Variants in CD9 observed in about 807,000 individuals in gnomAD.
CD9 encodes CD9 antigen.
In CD9, 10 loss-of-function variants were observed where a neutral mutation model predicts 31.4. The observed-to-expected ratio is 0.32, with a 90% CI of 0.20 to 0.54. The LOEUF is 0.54. CD9 is among the 20% of genes least tolerant of loss of function. The probability of loss-of-function intolerance (pLI) is 0.94; values close to 1 mark genes in which losing one functional copy is unlikely to be tolerated. For missense variants in CD9, 259 were observed against 300.1 expected, an observed-to-expected ratio of 0.86 and a Z score of 1.01; for synonymous variants, 113 against 114.1, an observed-to-expected ratio of 0.99 and a Z score of 0.06.
At chr12:6,218,361 A>T (rs1479706142) in intron 1 of CD9, among the ~76,000 whole-genome samples, 1 of 152,244 alleles carries the variant, frequency 6.6e-6, no homozygotes, top group Non-Finnish European at 1.5e-5. Flanking sequence ...TTTGTCCCAT[A>T]GGCAAACTTG....
chr12:6,204,332 A>G (rs1261876449), intron 1 of CD9, among the ~76,000 whole-genome samples: 2 of 152,212 alleles, frequency 1.3e-5, no homozygotes, highest in African/African-American at 2.4e-5. Flanking sequence ...TTAAAAGCCC[A>G]GACTTCACCA....
Position 6,232,582 on chromosome 12 carries a change from C to T in CD9, c.176-50C>T. On this transcript the variant is annotated intron_variant, in intron 2 of 7. Transcript: ENST00000009180. The surrounding 1 kb of genome is among the most constrained non-coding windows in gnomAD (Gnocchi z 4.8). Reference sequence around the variant, plus strand: ...ACAGGAATTGCCGGAGATGCCTGGGCCTCTGAACTGATGTCTCCACGCGTG... The same window carrying T: ...ACAGGAATTGCCGGAGATGCCTGGGTCTCTGAACTGATGTCTCCACGCGTG... 1 of 1,149,204 alleles carries T rather than the reference C, an allele frequency of 8.7e-7. No homozygotes were observed. 71.2% of individuals were successfully genotyped at this position (1,149,204 alleles called of 1,614,324 possible).
intron 1 of CD9, among the ~76,000 whole-genome samples, chr12:6,218,915 A>T (rs1207676117): frequency 6.6e-6 from 1 of 152,188 alleles, no homozygotes; most frequent in East Asian, 1.9e-4. Context: ...TTCGTCAAAC[A>T]TAAGAGTGTT....
intron 1 of CD9, among the ~76,000 whole-genome samples, chr12:6,202,462 C>A (rs1946087963): frequency 6.6e-6 from 1 of 152,254 alleles, no homozygotes; most frequent in Non-Finnish European, 1.5e-5. Flanking sequence ...ACAGTCTCTC[C>A]CGGCTGGTGT....
At chr12:6,214,360 T>C (rs1946221606) in intron 1 of CD9, among the ~76,000 whole-genome samples, 1 of 138,974 alleles carries the variant, frequency 7.2e-6, no homozygotes, top group Admixed American at 7.3e-5. Context: ...TTTTTTTTTT[T>C]TTTTTTTTGA....
In CD9 at chr12:6,238,084, G is replaced by C; in HGVS notation, c.*256G>C. ...TTTTTTCAGTTGTTTGTTTTTGCTT[G>C]TTATATTAAGCAGAAATCCTGCAAT... is the stretch of plus-strand genomic sequence containing the variant. On this transcript the variant is annotated 3_prime_UTR_variant, in exon 8 of 8. Transcript: ENST00000009180. 1 of 368,298 alleles carries C rather than the reference G, an allele frequency of 2.7e-6. No homozygotes were observed. Among genetic ancestry groups the C allele is most frequent in the South Asian group, 2.9e-5 (1 of 33,968 alleles). 22.8% of individuals were successfully genotyped at this position (368,298 alleles called of 1,614,324 possible).
intron 1 of CD9, among the ~76,000 whole-genome samples, chr12:6,210,984 G>A (rs867543323): frequency 1.3e-5 from 2 of 151,852 alleles, no homozygotes; most frequent in Non-Finnish European, 2.9e-5. Flanking sequence ...TTACAGGCAC[G>A]CACCACCATG....
intron 1 of CD9, among the ~76,000 whole-genome samples, chr12:6,205,766 G>T (rs1030261670): frequency 9.9e-5 from 15 of 152,204 alleles, no homozygotes; most frequent in Non-Finnish European, 1.9e-4. Flanking sequence ...AACCTTGATG[G>T]TTCTTGCCTG....
chr12:6,237,908 G>GT lies in CD9; in HGVS notation c.*82dup, dbSNP rs1946541798. Reference sequence around the variant, plus strand: ...TTTGTTTGTTTGTTTTGTTTTGTTTGTTGTTTGTTGTTTGTTTTTTTGCCA... The same window carrying GT: ...TTTGTTTGTTTGTTTTGTTTTGTTTGTTTGTTTGTTGTTTGTTTTTTTGCCA... On this transcript the variant is annotated 3_prime_UTR_variant, in exon 8 of 8. Coordinates refer to ENST00000009180, the MANE Select transcript of CD9 (RefSeq NM_001769.4). 1 of 1,059,234 alleles carries GT rather than the reference G, an allele frequency of 9.4e-7. No homozygotes were observed. Among genetic ancestry groups the GT allele is most frequent in the South Asian group, 1.4e-5 (1 of 73,494 alleles). The allele number at this position is 1,059,234 out of a possible 1,614,324, so 65.6% of individuals were successfully genotyped here. A position where few individuals can be genotyped will look rare whatever the true frequency, so the allele number is the denominator to read the frequency against.
Position 6,205,614 on chromosome 12 carries a change from TTTTG to T in CD9, c.66+5065_66+5068del, listed in dbSNP as rs375947979. On this transcript the variant is annotated intron_variant, in intron 1 of 7. Transcript: ENST00000009180. ...TAGATCCTGTGTTTGTTTTGTCTGC[TTTTG>T]TTTGTTTGTTTGTTTTTGTTTTCCT... Among the ~76,000 whole-genome samples the T allele has an allele frequency of 1.1e-3, 169 of 152,344 alleles. 2 individuals are homozygous for T. Among genetic ancestry groups the T allele is most frequent in the Middle Eastern group, 3.4e-3 (1 of 294 alleles).
chr12:6,222,432 T>C (rs2136620503), intron 1 of CD9, among the ~76,000 whole-genome samples: 1 of 152,350 alleles, frequency 6.6e-6, no homozygotes. Context: ...TATGGCAGCT[T>C]TTCCCATTTC....
intron 1 of CD9, among the ~76,000 whole-genome samples, chr12:6,219,893 G>C (rs984019568): frequency 6.6e-6 from 1 of 152,156 alleles, no homozygotes; most frequent in African/African-American, 2.4e-5. Context: ...AGGAGATCTG[G>C]GTGGATTTCA....
rs188815281 is a variant in CD9, at chr12:6,222,533, C to T, written c.67-2893C>T. Reference sequence around the variant, plus strand: ...ATGATGTAAGGTTTAAGGTGGGGTCCGAATGCGGGGGACTCCCGACTCCGG... The same window carrying T: ...ATGATGTAAGGTTTAAGGTGGGGTCTGAATGCGGGGGACTCCCGACTCCGG... On this transcript the variant is annotated intron_variant, in intron 1 of 7. Coordinates refer to ENST00000009180, the MANE Select transcript of CD9 (RefSeq NM_001769.4). 2.0e-4 allele frequency among the ~76,000 whole-genome samples: 30 copies of T among 152,258 alleles called. 2 individuals carry two copies. The highest frequency in any genetic ancestry group is 9.8e-4 in the Admixed American group (15 of 15,300).
In CD9 at chr12:6,226,581, G is replaced by T. The variant is rs571784241; in HGVS notation, c.175+1047G>T. On this transcript the variant is annotated intron_variant, in intron 2 of 7. Transcript: ENST00000009180. ...TTCCCTTTCCCACCTCTTGAACTGG[G>T]TAGGGAGAGTCTTTAAAAACAGCTC... 2.6e-5 allele frequency among the ~76,000 whole-genome samples: 4 copies of T among 152,290 alleles called. No homozygotes were observed. In the East Asian group the frequency reaches 7.7e-4, roughly 29 times the overall value.
intron 4 of CD9, among the ~76,000 whole-genome samples, chr12:6,234,640 C>T (rs1056521356): frequency 3.9e-5 from 6 of 152,224 alleles, no homozygotes; most frequent in African/African-American, 7.2e-5. Flanking sequence ...AATTGGGATG[C>T]GCCAGGCGCA....
chr12:6,221,390 C>T (rs1317819665), intron 1 of CD9, among the ~76,000 whole-genome samples: 1 of 152,204 alleles, frequency 6.6e-6, no homozygotes, highest in African/African-American at 2.4e-5. Context: ...TTGCCATCCT[C>T]TCTCCAGAGC....
intron 1 of CD9, among the ~76,000 whole-genome samples, chr12:6,220,312 A>G (rs1946280864): frequency 6.6e-6 from 1 of 152,196 alleles, no homozygotes; most frequent in Admixed American, 6.5e-5. Context: ...GATTGCATCT[A>G]AGGAGCAGAC....
At chr12:6,225,613 C>G in intron 2 of CD9, 79 bp downstream of exon 2, 1 of 881,200 alleles carries the variant, frequency 1.1e-6, no homozygotes, top group Non-Finnish European at 1.9e-6. Flanking sequence ...CCCATGTTGA[C>G]CCAGGGACTT....
chr12:6,209,936 C>T (rs868057792), intron 1 of CD9, among the ~76,000 whole-genome samples: 4 of 152,176 alleles, frequency 2.6e-5, no homozygotes, highest in East Asian at 1.9e-4. Flanking sequence ...ACGCCCACCT[C>T]GGCCTTCCAA....
Sources: gnomAD v4.1 joint callset for allele counts (sites outside exome capture counted in the v4.1 genomes callset) on GRCh38, gnomAD v4.1.1 for gene constraint, Gnocchi (gnomAD v3.1) non-coding constraint, MANE v1.5 for transcripts, NCBI Gene and HGNC (gene_info 2026-07-23, HGNC 2026-07-21) for gene names.